Variants in TCEA1 observed in about 807,000 individuals in gnomAD.
TCEA1 encodes transcription elongation factor A1.
TCEA1 carries 21 observed loss-of-function variants against 43.8 expected under a neutral mutation model. That is an observed-to-expected ratio of 0.48 (90% confidence interval 0.34 to 0.69). The LOEUF (loss-of-function observed/expected upper bound fraction) is 0.69, where lower values mean the gene tolerates loss of function less well. Among genes scored for constraint, TCEA1 ranks in the 30% least tolerant of loss-of-function variants. The probability of loss-of-function intolerance (pLI) is 0.01; values close to 1 mark genes in which losing one functional copy is unlikely to be tolerated. For synonymous variants in TCEA1, 104 were observed against 117.5 expected, an observed-to-expected ratio of 0.88 and a Z score of 0.75; for missense variants, 250 against 365.1, an observed-to-expected ratio of 0.68 and a Z score of 2.57.
At position 54,022,276 on chromosome 8, in the gene TCEA1, CGCGGCGGCGGCG is replaced by C. The variant is rs58021302; in HGVS notation, c.-163_-152del. The stretch of plus-strand genomic sequence containing the variant: ...GGCCCCCTTCCTTACGAACGAAGCC[CGCGGCGGCGGCG>C]GCGGCGGCGGCGGCTCCGGCTCCTC... On this transcript the variant is annotated 5_prime_UTR_variant, in exon 1 of 10. Transcript: ENST00000521604. The C allele has an allele frequency of 1.4e-4, 120 of 883,830 alleles. No homozygotes were observed. The Middle Eastern group carries it at 3.1e-3, about 23-fold the overall frequency. 54.7% of individuals were successfully genotyped at this position (883,830 alleles called of 1,614,324 possible). A position where few individuals can be genotyped will look rare whatever the true frequency, so the allele number is the denominator to read the frequency against.
chr8:54,017,160 GA>G (rs1804858563), intron 1 of TCEA1, among the ~76,000 whole-genome samples: 1 of 152,108 alleles, frequency 6.6e-6, no homozygotes, highest in Admixed American at 6.5e-5. Flanking sequence ...GCTGAATGAG[GA>G]GTGACTGCTT....
Position 54,022,234 on chromosome 8 carries a change from C to G in TCEA1, c.-109G>C. 7.7e-7 allele frequency: 1 copy of G among 1,291,872 alleles called. No homozygotes were observed. The highest frequency in any genetic ancestry group is 1.5e-5 in the African/African-American group (1 of 65,390). The allele number at this position is 1,291,872 out of a possible 1,614,324, so 80.0% of individuals were successfully genotyped here. ...CCCCGGCGCGCAGCAACCCCCACCACCGCAGGCCCGGGCCTAGGCCCCCTT... is the reference window on the plus strand; with the variant it reads ...CCCCGGCGCGCAGCAACCCCCACCAGCGCAGGCCCGGGCCTAGGCCCCCTT... On this transcript the variant is annotated 5_prime_UTR_variant, in exon 1 of 10. Coordinates refer to ENST00000521604, the MANE Select transcript of TCEA1 (RefSeq NM_006756.4).
chr8:53,973,907 G>C, intron 8 of TCEA1: 1 of 279,608 alleles, frequency 3.6e-6, no homozygotes, highest in Non-Finnish European at 6.8e-6. Flanking sequence ...AGGCACAGTG[G>C]CTCACGCCTA....
At chr8:53,997,275 A>C (rs2129307537) in intron 3 of TCEA1, among the ~76,000 whole-genome samples, 1 of 152,208 alleles carries the variant, frequency 6.6e-6, no homozygotes, top group South Asian at 2.1e-4. Context: ...GAAAAATCAC[A>C]ATTTTGCAAC....
At chr8:54,012,404 AC>A (rs1385485451) in intron 1 of TCEA1, among the ~76,000 whole-genome samples, 1 of 152,176 alleles carries the variant, frequency 6.6e-6, no homozygotes, top group Admixed American at 6.5e-5. Flanking sequence ...TACTAAAAAT[AC>A]AAAAATTAGC....
At chr8:54,006,792 T>G (rs1373564935) in intron 2 of TCEA1, among the ~76,000 whole-genome samples, 1 of 152,178 alleles carries the variant, frequency 6.6e-6, no homozygotes, top group East Asian at 1.9e-4. Context: ...CTTCATGACT[T>G]ACTTCCTTTC....
intron 6 of TCEA1, among the ~76,000 whole-genome samples, chr8:53,985,537 G>C (rs1477818215): frequency 6.6e-6 from 1 of 152,142 alleles, no homozygotes; most frequent in Non-Finnish European, 1.5e-5. Flanking sequence ...ATTCAGCATG[G>C]CCGTGAGGGT....
intron 6 of TCEA1, among the ~76,000 whole-genome samples, chr8:53,985,632 G>A (rs931440461): frequency 1.3e-5 from 2 of 152,080 alleles, no homozygotes; most frequent in Non-Finnish European, 2.9e-5. Flanking sequence ...CTGAACCCTG[G>A]AACAGCTCCC....
intron 1 of TCEA1, among the ~76,000 whole-genome samples, chr8:54,011,774 T>C (rs1804659279): frequency 6.6e-6 from 1 of 152,218 alleles, no homozygotes; most frequent in Non-Finnish European, 1.5e-5. Context: ...TAATTTTTCA[T>C]TTAAAGGTGA....
intron 7 of TCEA1, among the ~76,000 whole-genome samples, chr8:53,980,922 A>C (rs1340236172): frequency 1.3e-5 from 2 of 152,246 alleles, no homozygotes; most frequent in African/African-American, 4.8e-5. Flanking sequence ...GGAAATTAAA[A>C]GTGCTACTCC....
intron 4 of TCEA1, among the ~76,000 whole-genome samples, chr8:53,990,360 CT>C (rs869104595): frequency 0.01 from 1,375 of 136,848 alleles, 7 homozygotes; most frequent in African/African-American, 0.019. Flanking sequence ...CATTTCTTTT[CT>C]TTTTTTTTTT....
intron 8 of TCEA1, among the ~76,000 whole-genome samples, chr8:53,975,119 T>C (rs1402217651): frequency 9.5e-6 from 1 of 105,302 alleles, no homozygotes. Flanking sequence ...ATTTATTTTA[T>C]ACATCTCAAA....
intron 3 of TCEA1, among the ~76,000 whole-genome samples, chr8:53,994,857 C>G (rs1180568368): frequency 6.8e-6 from 1 of 147,168 alleles, no homozygotes; most frequent in Non-Finnish European, 1.5e-5. Context: ...GGCAACAGAA[C>G]AAGACTCTGT....
chr8:53,991,874 AAT>A (rs1338953988), intron 4 of TCEA1, among the ~76,000 whole-genome samples: 1 of 151,324 alleles, frequency 6.6e-6, no homozygotes, highest in East Asian at 1.9e-4. Context: ...TAATATGTTT[AAT>A]ATATATATTT....
chr8:54,021,809 A>C, intron 1 of TCEA1: 5 of 347,704 alleles, frequency 1.4e-5, no homozygotes, highest in Non-Finnish European at 1.5e-5. Context: ...CTAATCCCTA[A>C]ATCGATTAGG....
chr8:53,972,858 C>G (rs1177168937), intron 8 of TCEA1: 2 of 715,670 alleles, frequency 2.8e-6, no homozygotes, highest in African/African-American at 1.7e-5. Flanking sequence ...TTTCACAGAT[C>G]TAAGGTTTAT....
At chr8:54,013,607 GGAGGCGGAGGTTGCAGT>G (rs1322660288) in intron 1 of TCEA1, among the ~76,000 whole-genome samples, 2 of 145,334 alleles carry the variant, frequency 1.4e-5, no homozygotes, top group African/African-American at 5.1e-5. Context: ...CTTGAACCCA[GGAGGCGGAGGTTGCAGT>G]GAGCCGAGAT....
At chr8:54,021,904 CGG>C (rs1334363867) in intron 1 of TCEA1, 157 bp downstream of exon 1, 2 of 575,890 alleles carry the variant, frequency 3.5e-6, no homozygotes, top group Non-Finnish European at 5.4e-6. Context: ...CCCGACGCCC[CGG>C]GCCCGGACAC....
At chr8:54,015,995 C>T (rs912910890) in intron 1 of TCEA1, among the ~76,000 whole-genome samples, 7 of 152,160 alleles carry the variant, frequency 4.6e-5, no homozygotes, top group African/African-American at 1.7e-4. Context: ...TTTACACCCA[C>T]TAGGAAGGCT....
Sources: allele counts gnomAD v4.1 joint callset (sites outside exome capture counted in the v4.1 genomes callset), GRCh38; gene constraint gnomAD v4.1.1; transcripts MANE v1.5; gene names NCBI Gene and HGNC (gene_info 2026-07-23, HGNC 2026-07-21).